SGCD: variants seen among roughly 807,000 people sequenced by gnomAD.
SGCD encodes sarcoglycan delta, also known as delta-sarcoglycan.
In SGCD, 18 loss-of-function variants were observed where a neutral mutation model predicts 36.6. The ratio of observed to expected loss-of-function variants is 0.49; its 90% CI spans 0.34 to 0.73. The LOEUF is 0.73. Ranked by LOEUF, SGCD falls within the 30% of genes least tolerant of loss-of-function variation. The pLI is 0.01. For synonymous variants in SGCD, 133 were observed against 130.6 expected, an observed-to-expected ratio of 1.02 and a Z score of -0.12; for missense variants, 387 against 346.7, an observed-to-expected ratio of 1.12 and a Z score of -0.92.
chr5:156,613,161 A>G (rs1271602573), intron 6 of SGCD, among the ~76,000 whole-genome samples: 2 of 151,564 alleles, frequency 1.3e-5, no homozygotes, highest in African/African-American at 4.9e-5. Flanking sequence ...TTCCTCAGTC[A>G]CTCCAGTTGA....
chr5:156,206,227 T>C (rs933027690), intron 3 of SGCD, among the ~76,000 whole-genome samples: 8 of 152,026 alleles, frequency 5.3e-5, no homozygotes, highest in South Asian at 2.1e-4. Context: ...GAATACTTCA[T>C]TGTGTGTACG....
rs562594128 is a variant in SGCD at position 156,407,153 on chromosome 5, G to A, written c.192+62476G>A. Reference sequence around the variant, plus strand: ...GCCCACTGACTCAAATGTTAATCTCGTCTGGCAACACCCTCACAGACATAC... The same window carrying A: ...GCCCACTGACTCAAATGTTAATCTCATCTGGCAACACCCTCACAGACATAC... On this transcript the variant is annotated intron_variant, in intron 3 of 8. Transcript: ENST00000337851. Among the ~76,000 whole-genome samples, 54 of 152,102 alleles carry A rather than the reference G, an allele frequency of 3.6e-4. No homozygotes were observed. The South Asian group carries it at 0.01, about 29-fold the overall frequency.
At chr5:156,572,721 A>G (rs1759772077) in intron 4 of SGCD, among the ~76,000 whole-genome samples, 1 of 152,180 alleles carries the variant, frequency 6.6e-6, no homozygotes, top group South Asian at 2.1e-4. Flanking sequence ...GGACAGATAG[A>G]CACATACTAA....
intron 8 of SGCD, among the ~76,000 whole-genome samples, chr5:156,758,677 C>T (rs1031598958): frequency 4.6e-5 from 7 of 151,926 alleles, no homozygotes; most frequent in African/African-American, 1.2e-4. Flanking sequence ...CAGTTATAAT[C>T]GTAAATCTAA....
chr5:156,232,922 C>A (rs542902810), intron 3 of SGCD, among the ~76,000 whole-genome samples: 2 of 152,106 alleles, frequency 1.3e-5, no homozygotes, highest in African/African-American at 4.8e-5. Flanking sequence ...TAGGAATTTC[C>A]TTTTTATGTA....
At chr5:156,034,770 T>G (rs1759447359) in intron 1 of SGCD, among the ~76,000 whole-genome samples, 1 of 152,214 alleles carries the variant, frequency 6.6e-6, no homozygotes, top group South Asian at 2.1e-4. Context: ...GATTTCATCC[T>G]TCATGCAAGC....
intron 1 of SGCD, among the ~76,000 whole-genome samples, chr5:155,879,307 T>C (rs1755831267): frequency 6.6e-6 from 1 of 152,160 alleles, no homozygotes; most frequent in African/African-American, 2.4e-5. Flanking sequence ...CTGTAATGCA[T>C]TTTGTACGCT....
At chr5:156,284,688 T>C (rs1006962942) in intron 3 of SGCD, among the ~76,000 whole-genome samples, 17 of 152,160 alleles carry the variant, frequency 1.1e-4, no homozygotes, top group African/African-American at 4.1e-4. Flanking sequence ...TTATAAGAGC[T>C]GTCTATGACA....
intron 3 of SGCD, among the ~76,000 whole-genome samples, chr5:156,286,740 G>A (rs565148520): frequency 6.6e-6 from 1 of 152,102 alleles, no homozygotes; most frequent in South Asian, 2.1e-4. Context: ...AAGTTACTGG[G>A]TGCAGCACAC....
chr5:155,947,669 C>T (rs189267612), intron 1 of SGCD, among the ~76,000 whole-genome samples: 8 of 152,092 alleles, frequency 5.3e-5, no homozygotes, highest in East Asian at 1.9e-4. Context: ...CTTTTGAAAA[C>T]GATTGCAATC....
chr5:155,818,297 A>C, the SGCD span, among the ~76,000 whole-genome samples: 112 of 152,232 alleles, frequency 7.4e-4, no homozygotes, highest in Admixed American at 2.2e-3. Context: ...AGTAGGCAGC[A>C]TTCAGGGTTG....
chr5:156,091,953 G>A (rs1205038009), intron 1 of SGCD, among the ~76,000 whole-genome samples: 2 of 152,238 alleles, frequency 1.3e-5, no homozygotes, highest in African/African-American at 4.8e-5. Flanking sequence ...GAGTTGCAGG[G>A]TGTCTCCAAG....
intron 3 of SGCD, among the ~76,000 whole-genome samples, chr5:156,172,058 G>A (rs1460434877): frequency 6.6e-6 from 1 of 152,098 alleles, no homozygotes; most frequent in African/African-American, 2.4e-5. Flanking sequence ...CAAGGCAGGT[G>A]GATCACCTGA....
chr5:156,511,542 G>C (rs150466397), intron 4 of SGCD, among the ~76,000 whole-genome samples: 1 of 152,304 alleles, frequency 6.6e-6, no homozygotes, highest in African/African-American at 2.4e-5. Context: ...ACTAAGTCCT[G>C]TAAAATGCAT....
intron 4 of SGCD, among the ~76,000 whole-genome samples, chr5:156,553,838 C>G (rs1399995450): frequency 6.6e-6 from 1 of 152,224 alleles, no homozygotes; most frequent in Non-Finnish European, 1.5e-5. Context: ...TACACCACAT[C>G]TTGTCTATCC....
At chr5:155,740,174 C>T in the SGCD span, among the ~76,000 whole-genome samples, 1 of 152,206 alleles carries the variant, frequency 6.6e-6, no homozygotes, top group Non-Finnish European at 1.5e-5. Context: ...TCATGGCTCA[C>T]TGCAACCTCG....
chr5:155,742,789 A>T, the SGCD span, among the ~76,000 whole-genome samples: 1 of 152,212 alleles, frequency 6.6e-6, no homozygotes, highest in Non-Finnish European at 1.5e-5. Flanking sequence ...GCTACTTCAG[A>T]TGCCAATCAC....
chr5:155,996,776 T>A, intron 1 of SGCD, among the ~76,000 whole-genome samples: 1 of 144,104 alleles, frequency 6.9e-6, no homozygotes, highest in Non-Finnish European at 1.5e-5. Flanking sequence ...AAGACTCTGT[T>A]TCAAAAAAAA....
intron 4 of SGCD, among the ~76,000 whole-genome samples, chr5:156,555,334 A>G (rs535612285): frequency 6.6e-6 from 1 of 152,276 alleles, no homozygotes; most frequent in East Asian, 1.9e-4. Flanking sequence ...GCTTCCTTAC[A>G]AAGATTTTAC....
Sources: gnomAD v4.1 joint callset for allele counts (sites outside exome capture counted in the v4.1 genomes callset) on GRCh38, gnomAD v4.1.1 for gene constraint, MANE v1.5 for transcripts, NCBI Gene and HGNC (gene_info 2026-07-23, HGNC 2026-07-21) for gene names.